Variants in SLCO6A1 observed in about 807,000 individuals in gnomAD.
SLCO6A1 encodes the protein cancer/testis antigen 48.
In SLCO6A1, 65 loss-of-function variants were observed where a neutral mutation model predicts 72.7. That is an observed-to-expected ratio of 0.89 (90% CI 0.73 to 1.10). The LOEUF is 1.10. Among genes scored for constraint, SLCO6A1 ranks in the 50% least tolerant of loss-of-function variants. The probability of loss-of-function intolerance (pLI) is 0.00; values close to 1 mark genes in which losing one functional copy is unlikely to be tolerated. For synonymous variants in SLCO6A1, 314 were observed against 298.2 expected, an observed-to-expected ratio of 1.05 and a Z score of -0.55; for missense variants, 874 against 872.6, an observed-to-expected ratio of 1.00 and a Z score of -0.02.
chr5:102,422,564 A>C (rs1473109714), intron 7 of SLCO6A1, among the ~76,000 whole-genome samples: 13 of 152,328 alleles, frequency 8.5e-5, no homozygotes, highest in Admixed American at 8.5e-4. Context: ...GCATGAAGAC[A>C]AGATTAGAGA....
rs79848048 is a variant in SLCO6A1 at position 102,455,359 on chromosome 5, G to A, written c.1131+3023C>T. On this transcript the variant is annotated intron_variant, in intron 6 of 13. Transcript: ENST00000506729. ...TCTATCAAGTAATCTGAGAAATGGC[G>A]TGATAAAATCTGTATATGAGAAATA... Among the ~76,000 whole-genome samples, 841 of 152,094 alleles carry A rather than the reference G, an allele frequency of 5.5e-3. 5 individuals carry two copies. The highest frequency in any genetic ancestry group is 0.019 in the African/African-American group (806 of 41,504).
Position 102,419,748 on chromosome 5 carries a change from G to T in SLCO6A1, c.1472+78C>A, listed in dbSNP as rs1748484261. On this transcript the variant is annotated intron_variant, in intron 8 of 13. Coordinates refer to ENST00000506729, the MANE Select transcript of SLCO6A1 (RefSeq NM_173488.5). ...TTATATGAACATATAAGGGTTACTG[G>T]ATAGATAATTATTAATTGCCTGAGG... is the stretch of plus-strand genomic sequence containing the variant. The T allele has an allele frequency of 1.1e-5, 12 of 1,121,054 alleles. No individual in the cohort carries two copies. In the South Asian group the frequency reaches 1.4e-4, roughly 13 times the overall value. 69.4% of individuals were successfully genotyped at this position (1,121,054 alleles called of 1,614,324 possible).
intron 9 of SLCO6A1, among the ~76,000 whole-genome samples, chr5:102,404,054 A>G (rs1747539531): frequency 6.6e-6 from 1 of 152,154 alleles, no homozygotes; most frequent in Non-Finnish European, 1.5e-5. Flanking sequence ...ATAACTTGCC[A>G]ATTTATTCCC....
chr5:102,413,211 T>A, intron 8 of SLCO6A1, 68 bp from the exon 9 acceptor site: 1 of 1,401,026 alleles, frequency 7.1e-7, no homozygotes, highest in Non-Finnish European at 9.6e-7. Flanking sequence ...AATGTCAAGA[T>A]ATCAGTGAGA....
intron 4 of SLCO6A1, among the ~76,000 whole-genome samples, chr5:102,471,588 C>T (rs570468482): frequency 8.5e-5 from 13 of 152,150 alleles, no homozygotes; most frequent in African/African-American, 2.2e-4. Flanking sequence ...ATGCTACACC[C>T]GCTTAATTTC....
In SLCO6A1 at chr5:102,457,629, T is replaced by C. The variant is rs547827609; in HGVS notation, c.1131+753A>G. Among the ~76,000 whole-genome samples the C allele has an allele frequency of 2.0e-3, 297 of 152,162 alleles. 3 individuals carry two copies. Among genetic ancestry groups the C allele is most frequent in the African/African-American group, 6.9e-3 (287 of 41,502 alleles). On this transcript the variant is annotated intron_variant, in intron 6 of 13. Transcript: ENST00000506729. ...AGGTACTGGAGAGGATGTGGAGAAA[T>C]AGGAACACTTTTACACTGCTGGTGG...
intron 1 of SLCO6A1, among the ~76,000 whole-genome samples, chr5:102,485,022 C>T (rs779641103): frequency 7.2e-5 from 11 of 152,048 alleles, no homozygotes; most frequent in Admixed American, 1.3e-4. Flanking sequence ...GAGGCTGAGG[C>T]GGGTGAATCA....
chr5:102,444,653 A>G (rs1175930526), intron 6 of SLCO6A1, among the ~76,000 whole-genome samples: 3 of 152,124 alleles, frequency 2.0e-5, no homozygotes, highest in Non-Finnish European at 4.4e-5. Context: ...TTATTTTCAG[A>G]AAAAACAGTT....
At chr5:102,481,885 G>C (rs1466596944) in intron 1 of SLCO6A1, among the ~76,000 whole-genome samples, 2 of 152,044 alleles carry the variant, frequency 1.3e-5, no homozygotes, top group Admixed American at 1.3e-4. Flanking sequence ...ACCATCAATA[G>C]TTAAGCAAAT....
intron 8 of SLCO6A1, among the ~76,000 whole-genome samples, chr5:102,418,399 C>T (rs1748410267): frequency 6.6e-6 from 1 of 151,912 alleles, no homozygotes; most frequent in Non-Finnish European, 1.5e-5. Flanking sequence ...AAATTTTGGC[C>T]ATAATATCTT....
intron 7 of SLCO6A1, among the ~76,000 whole-genome samples, chr5:102,431,572 T>C (rs1749219406): frequency 1.3e-5 from 2 of 152,192 alleles, no homozygotes; most frequent in African/African-American, 2.4e-5. Flanking sequence ...GATTTCTATT[T>C]TTATTGTGCT....
chr5:102,384,599 C>T (rs1378875246), intron 12 of SLCO6A1, among the ~76,000 whole-genome samples: 1 of 152,018 alleles, frequency 6.6e-6, no homozygotes, highest in African/African-American at 2.4e-5. Flanking sequence ...TGCTGATAAC[C>T]ACTTAACTTC....
chr5:102,470,293 CT>C (rs1455413420), intron 4 of SLCO6A1, among the ~76,000 whole-genome samples: 1 of 152,028 alleles, frequency 6.6e-6, no homozygotes, highest in Non-Finnish European at 1.5e-5. Flanking sequence ...TGGTCCTGGA[CT>C]TTTTTTGGTT....
chr5:102,407,124 A>G (rs1747714565), intron 9 of SLCO6A1, among the ~76,000 whole-genome samples: 1 of 152,210 alleles, frequency 6.6e-6, no homozygotes, highest in Non-Finnish European at 1.5e-5. Context: ...TAGCTAAAAC[A>G]GGGACAGGGT....
In SLCO6A1 at chr5:102,373,496, T is replaced by G; in HGVS notation, c.2018-2A>C. 6.9e-7 allele frequency: 1 copy of G among 1,451,964 alleles called. No individual in the cohort carries two copies. 89.9% of individuals were successfully genotyped at this position (1,451,964 alleles called of 1,614,324 possible). On this transcript the variant is annotated splice_acceptor_variant, in intron 12 of 13. Coordinates refer to ENST00000506729, the MANE Select transcript of SLCO6A1 (RefSeq NM_173488.5). LOFTEE classifies it high-confidence loss of function. ...TAGTGCATAGTTTGCAAAGAAAACC[T>G]AAATTTAAAAAATGCAATGATCAGA...
chr5:102,480,134 T>A, intron 2 of SLCO6A1, 43 bp downstream of exon 2: 3 of 1,516,850 alleles, frequency 2.0e-6, no homozygotes, highest in Non-Finnish European at 2.7e-6. Flanking sequence ...AAGGTTTGAA[T>A]GAATATTGAT....
At chr5:102,460,954 A>C (rs1468181869) in intron 4 of SLCO6A1, among the ~76,000 whole-genome samples, 2 of 140,544 alleles carry the variant, frequency 1.4e-5, no homozygotes, top group South Asian at 2.3e-4. Flanking sequence ...ATATATATAT[A>C]TCTGCATATG....
At chr5:102,452,483 T>G (rs2112729877) in intron 6 of SLCO6A1, among the ~76,000 whole-genome samples, 1 of 152,292 alleles carries the variant, frequency 6.6e-6, no homozygotes, top group African/African-American at 2.4e-5. Flanking sequence ...ACTTTTACAT[T>G]TATAACTTTT....
chr5:102,446,701 T>C (rs951711710), intron 6 of SLCO6A1, among the ~76,000 whole-genome samples: 2 of 152,160 alleles, frequency 1.3e-5, no homozygotes, highest in African/African-American at 4.8e-5. Flanking sequence ...GGGTTTGTAA[T>C]AGATGACTCT....
Sources: gnomAD v4.1 joint callset for allele counts (sites outside exome capture counted in the v4.1 genomes callset) on GRCh38, gnomAD v4.1.1 for gene constraint, MANE v1.5 for transcripts, NCBI Gene and HGNC (gene_info 2026-07-23, HGNC 2026-07-21) for gene names.